Variants in CTNND2 observed in about 807,000 individuals in gnomAD.
The protein encoded by CTNND2 is catenin delta 2.
CTNND2 carries 22 observed loss-of-function variants against 144.4 expected under a neutral mutation model. The observed-to-expected ratio is 0.15, with a 90% CI of 0.11 to 0.22. The LOEUF (loss-of-function observed/expected upper bound fraction) is 0.22. CTNND2 is among the 10% of genes least tolerant of loss of function. The probability of loss-of-function intolerance (pLI) is 1.00; values close to 1 mark genes in which losing one functional copy is unlikely to be tolerated. For missense variants in CTNND2, 1,353 were observed against 1,618.8 expected (o/e 0.84, Z 2.82); for synonymous variants, 751 against 695.6 (o/e 1.08, Z -1.25).
At chr5:10,999,550 A>C (rs1288268526) in intron 18 of CTNND2, among the ~76,000 whole-genome samples, 1 of 152,194 alleles carries the variant, frequency 6.6e-6, no homozygotes, top group African/African-American at 2.4e-5. Flanking sequence ...ATTGATGATA[A>C]AGAACTCTTT....
chr5:11,530,710 T>TGATCA (rs1773675940), intron 3 of CTNND2, among the ~76,000 whole-genome samples: 1 of 152,226 alleles, frequency 6.6e-6, no homozygotes. Context: ...ACAATATTTC[T>TGATCA]GATCACATAT....
chr5:11,222,482 G>A (rs1432887457), intron 10 of CTNND2, among the ~76,000 whole-genome samples: 1 of 151,918 alleles, frequency 6.6e-6, no homozygotes, highest in African/African-American at 2.4e-5. Context: ...ATTCACTTTG[G>A]GCTATTAAAA....
At chr5:11,876,892 A>C (rs1207584469) in intron 1 of CTNND2, among the ~76,000 whole-genome samples, 2 of 152,208 alleles carry the variant, frequency 1.3e-5, no homozygotes, top group Non-Finnish European at 2.9e-5. Flanking sequence ...TAGTCCAGCA[A>C]ACTTGCTGAA....
chr5:11,570,197 TG>T (rs1291901555), intron 2 of CTNND2, among the ~76,000 whole-genome samples: 1 of 152,214 alleles, frequency 6.6e-6, no homozygotes, highest in Non-Finnish European at 1.5e-5. Context: ...TGTCAACTAC[TG>T]AAGAAATCTC....
intron 1 of CTNND2, among the ~76,000 whole-genome samples, chr5:11,783,677 C>T (rs2126853589): frequency 6.6e-6 from 1 of 152,156 alleles, no homozygotes; most frequent in East Asian, 1.9e-4. Flanking sequence ...AGCAAGTCTG[C>T]AGTATGCTGA....
intron 3 of CTNND2, among the ~76,000 whole-genome samples, chr5:11,551,960 C>G (rs112334867): frequency 0.03 from 4,559 of 152,092 alleles, 101 homozygotes; most frequent in Non-Finnish European, 0.05. Context: ...GTCTCGAACT[C>G]CTGGCCTCAA....
chr5:11,779,415 A>C (rs1351543695), intron 1 of CTNND2, among the ~76,000 whole-genome samples: 1 of 152,224 alleles, frequency 6.6e-6, no homozygotes, highest in Non-Finnish European at 1.5e-5. Context: ...ACAAACAGAC[A>C]AACAGGTATG....
intron 3 of CTNND2, among the ~76,000 whole-genome samples, chr5:11,515,853 T>G (rs1030727171): frequency 6.6e-6 from 1 of 152,116 alleles, no homozygotes; most frequent in African/African-American, 2.4e-5. Context: ...AATATTTACC[T>G]CTTTGGGAAG....
chr5:11,470,981 T>TATATATATATATATATATATATA (rs58435800), intron 3 of CTNND2, among the ~76,000 whole-genome samples: 10 of 64,034 alleles, frequency 1.6e-4, no homozygotes, highest in Non-Finnish European at 2.2e-4. Context: ...TATATATATA[T>TATATATATATATATATATATATA]TTTTTTTTTT....
chr5:11,569,182 A>G (rs796221583), intron 2 of CTNND2, among the ~76,000 whole-genome samples: 1 of 152,192 alleles, frequency 6.6e-6, no homozygotes, highest in South Asian at 2.1e-4. Flanking sequence ...TTAAGATTTC[A>G]TGGGAATTTA....
intron 2 of CTNND2, among the ~76,000 whole-genome samples, chr5:11,604,497 C>T (rs192515594): frequency 1.9e-4 from 29 of 152,332 alleles, no homozygotes; most frequent in African/African-American, 6.7e-4. Context: ...CATGGGTCTG[C>T]GCACAGCTCC....
intron 16 of CTNND2, among the ~76,000 whole-genome samples, chr5:11,042,931 ATCT>A (rs774111969): frequency 2.0e-5 from 3 of 152,274 alleles, no homozygotes; most frequent in South Asian, 2.1e-4. Context: ...TTAGGAGGTA[ATCT>A]TCTTTCTTAG....
At chr5:11,367,458 T>C (rs1398674713) in intron 7 of CTNND2, among the ~76,000 whole-genome samples, 1 of 152,232 alleles carries the variant, frequency 6.6e-6, no homozygotes, top group Non-Finnish European at 1.5e-5. Flanking sequence ...GGGAATCTGC[T>C]ACAAAATGTC....
At chr5:11,541,511 A>G (rs1774731480) in intron 3 of CTNND2, among the ~76,000 whole-genome samples, 1 of 152,142 alleles carries the variant, frequency 6.6e-6, no homozygotes, top group African/African-American at 2.4e-5. Flanking sequence ...CATTTTCTAA[A>G]TTAAGCTGAA....
chr5:11,411,638 T>C lies in CTNND2; in HGVS notation c.337A>G (p.Ile113Val), dbSNP rs1165185894. ...AGACCTGTTGTAAGCTCATCTTCGATATCTTTTTGACCATCTGAAATGAAA... is the reference window on the plus strand; with the variant it reads ...AGACCTGTTGTAAGCTCATCTTCGACATCTTTTTGACCATCTGAAATGAAA... Reference protein sequence around the residue: ...QWQSQDGQKDIEDELTTGLEL... With the variant: ...QWQSQDGQKDVEDELTTGLEL... Residue 113 changes from isoleucine (I) to valine (V), a missense_variant, in exon 5 of 22, where the codon ATC becomes GTC. Coordinates refer to ENST00000304623, the MANE Select transcript of CTNND2 (RefSeq NM_001332.4). 3.7e-6 allele frequency: 6 copies of C among 1,603,790 alleles called. No individual in the cohort carries two copies. The highest frequency in any genetic ancestry group is 5.1e-6 in the Non-Finnish European group (6 of 1,171,442).
chr5:11,878,332 T>C (rs1735712266), intron 1 of CTNND2, among the ~76,000 whole-genome samples: 1 of 152,168 alleles, frequency 6.6e-6, no homozygotes, highest in Admixed American at 6.5e-5. Flanking sequence ...CTCACCAAGA[T>C]GTGTTATTTC....
chr5:11,512,617 A>G (rs541006315), intron 3 of CTNND2, among the ~76,000 whole-genome samples: 2 of 152,178 alleles, frequency 1.3e-5, no homozygotes, highest in Non-Finnish European at 1.5e-5. Context: ...AATTTTCCCA[A>G]TGTGGCATAT....
intron 3 of CTNND2, among the ~76,000 whole-genome samples, chr5:11,564,107 A>G (rs190498563): frequency 1.3e-5 from 2 of 151,430 alleles, no homozygotes; most frequent in East Asian, 3.9e-4. Flanking sequence ...TATATGGAGA[A>G]GAAGTAGGCT....
chr5:11,375,822 T>G (rs996307637), intron 7 of CTNND2, among the ~76,000 whole-genome samples: 4 of 152,170 alleles, frequency 2.6e-5, no homozygotes, highest in Admixed American at 1.3e-4. Flanking sequence ...ACTACATATC[T>G]GAAAAAAGCT....
Sources: allele counts gnomAD v4.1 joint callset (sites outside exome capture counted in the v4.1 genomes callset), GRCh38; gene constraint gnomAD v4.1.1; transcripts MANE v1.5; gene names NCBI Gene and HGNC (gene_info 2026-07-23, HGNC 2026-07-21).